The following FAM98B variants were observed in gnomAD, a reference collection of about 807,000 sequenced individuals.
FAM98B encodes tRNA splicing ligase complex subunit 3B.
FAM98B carries 32 observed loss-of-function variants against 43.9 expected under a neutral mutation model. The observed-to-expected ratio is 0.73, with a 90% CI of 0.55 to 0.98. The LOEUF (loss-of-function observed/expected upper bound fraction) is 0.98. FAM98B is among the 50% of genes least tolerant of loss of function. The pLI, the probability that FAM98B is intolerant of heterozygous loss-of-function variation, is 0.00. For missense variants in FAM98B, 514 were observed against 522.9 expected (o/e 0.98, Z 0.17); for synonymous variants, 190 against 174.0 (o/e 1.09, Z -0.72).
intron 1 of FAM98B, among the ~76,000 whole-genome samples, chr15:38,457,706 A>G (rs1006784300): frequency 6.6e-6 from 1 of 152,154 alleles, no homozygotes; most frequent in Non-Finnish European, 1.5e-5. Flanking sequence ...ATAGAGGTGG[A>G]GAGGAAAACT....
rs1414488759 is a variant in FAM98B at position 38,473,543 on chromosome 15, G to C, written c.570G>C (p.Val190=). Residue 190 remains valine (V), a synonymous_variant, in exon 5 of 8, where the codon GTG becomes GTC. Transcript: ENST00000397609. The stretch of plus-strand genomic sequence containing the variant: ...TCTCAAAGGTCCAGAAAAATCATGT[G>C]GGAAAACCACTGCTGAAAATGGATT... ...DILSKVQKNH[V]GKPLLKMDLN... 12 of 1,610,662 alleles carry C rather than the reference G, an allele frequency of 7.5e-6. No homozygotes were observed. Among genetic ancestry groups the C allele is most frequent in the Non-Finnish European group, 1.0e-5 (12 of 1,178,664 alleles).
rs945196370 is a variant in FAM98B at position 38,475,879 on chromosome 15, A to G, written c.729+1581A>G. On this transcript the variant is annotated intron_variant, in intron 6 of 7. Coordinates refer to ENST00000397609, the MANE Select transcript of FAM98B (RefSeq NM_173611.4). ...TATGATAAAATGCTTTTTTTTAAAA[A>G]ACTATACTTTAAAAAATTAGGTCTT... Among the ~76,000 whole-genome samples the G allele has an allele frequency of 3.9e-5, 6 of 152,240 alleles. No homozygotes were observed. The South Asian group carries it at 6.2e-4, about 16-fold the overall frequency.
chr15:38,475,185 C>T (rs1171724779), intron 6 of FAM98B, among the ~76,000 whole-genome samples: 1 of 152,060 alleles, frequency 6.6e-6, no homozygotes, highest in African/African-American at 2.4e-5. Context: ...TCATGGAAAA[C>T]AGTTTTTCCA....
At chr15:38,466,252 A>G (rs1200067670) in intron 3 of FAM98B, among the ~76,000 whole-genome samples, 1 of 151,172 alleles carries the variant, frequency 6.6e-6, no homozygotes, top group African/African-American at 2.4e-5. Context: ...CATTGAAATT[A>G]CCTTGTGTGT....
Position 38,454,204 on chromosome 15 carries a change from G to A in FAM98B, c.43G>A (p.Asp15Asn). ...GGGTCCCCAACCGACGATGGAGGGAGACGTGCTGGACACACTGGAGGCGCT... is the reference window on the plus strand; with the variant it reads ...GGGTCCCCAACCGACGATGGAGGGAAACGTGCTGGACACACTGGAGGCGCT... ...EPGPQPTMEG[D>N]VLDTLEALGY... Residue 15 changes from aspartate (D) to asparagine (N), a missense_variant, in exon 1 of 8, where the codon GAC (aspartate) becomes AAC (asparagine). By Grantham distance (23) the Asp-to-Asn change is conservative. Coordinates refer to ENST00000397609, the MANE Select transcript of FAM98B (RefSeq NM_173611.4). The A allele has an allele frequency of 6.2e-7, 1 of 1,604,202 alleles. No homozygotes were observed. The highest frequency in any genetic ancestry group is 8.5e-7 in the Non-Finnish European group (1 of 1,176,608).
chr15:38,475,874 T>TTA (rs1555397999), intron 6 of FAM98B, among the ~76,000 whole-genome samples: 3 of 152,138 alleles, frequency 2.0e-5, no homozygotes, highest in Non-Finnish European at 4.4e-5. Flanking sequence ...TGCTTTTTTT[T>TTA]AAAAAACTAT....
chr15:38,481,761 C>G (rs1708314493), intron 7 of FAM98B: 2 of 775,276 alleles, frequency 2.6e-6, no homozygotes, highest in African/African-American at 1.8e-5. Context: ...CAGTAAGAAT[C>G]TTTCGGAATT....
chr15:38,454,415 T>G (rs957151441), intron 1 of FAM98B, among the ~76,000 whole-genome samples, 183 bp downstream of exon 1: 1 of 151,956 alleles, frequency 6.6e-6, no homozygotes, highest in African/African-American at 2.4e-5. Flanking sequence ...ATTTGGGGGG[T>G]GGAGCAGGGC....
intron 1 of FAM98B, among the ~76,000 whole-genome samples, chr15:38,462,026 A>C (rs1889957784): frequency 6.6e-6 from 1 of 152,204 alleles, no homozygotes. Context: ...CCTTTAGTAG[A>C]TGCCGATTAA....
intron 1 of FAM98B, among the ~76,000 whole-genome samples, chr15:38,456,235 A>G (rs1359608347): frequency 1.3e-5 from 2 of 152,250 alleles, no homozygotes; most frequent in Admixed American, 6.5e-5. Flanking sequence ...AGATGATTTT[A>G]GAAGTCTCTT....
intron 3 of FAM98B, among the ~76,000 whole-genome samples, chr15:38,465,760 G>C (rs1177132582): frequency 6.6e-6 from 1 of 152,060 alleles, no homozygotes; most frequent in Admixed American, 6.6e-5. Context: ...ACTAGGCACT[G>C]GATGATAATT....
intron 6 of FAM98B, among the ~76,000 whole-genome samples, chr15:38,480,686 CATTTA>C (rs1200238844): frequency 6.6e-6 from 1 of 152,012 alleles, no homozygotes; most frequent in East Asian, 1.9e-4. Flanking sequence ...CATCCTGGCA[CATTTA>C]ATAAGTTCTC....
intron 1 of FAM98B, chr15:38,459,450 CT>C (rs1000473904): frequency 1.4e-5 from 5 of 352,964 alleles, no homozygotes; most frequent in African/African-American, 1.1e-4. Flanking sequence ...ATCCACGAGG[CT>C]TCTTAAGGAG....
chr15:38,461,800 C>T (rs1889952514), intron 1 of FAM98B, among the ~76,000 whole-genome samples: 1 of 151,970 alleles, frequency 6.6e-6, no homozygotes, highest in South Asian at 2.1e-4. Flanking sequence ...GTCAAAAATC[C>T]AAAAGTTTGA....
chr15:38,460,715 A>G (rs900920386), intron 1 of FAM98B, among the ~76,000 whole-genome samples: 3 of 152,234 alleles, frequency 2.0e-5, no homozygotes, highest in South Asian at 2.1e-4. Flanking sequence ...TGACAGAACA[A>G]TACAGGCTAA....
In FAM98B at chr15:38,464,003, G is replaced by A. The variant is rs771705989; in HGVS notation, c.72-29G>A. On this transcript the variant is annotated intron_variant, in intron 1 of 7. Transcript: ENST00000397609. ...TTTTTTTGTTTGATTGGCTTATTTA[G>A]TTTTTAACTTGTATTTCTTCCTTTC... 5 of 1,571,262 alleles carry A rather than the reference G, an allele frequency of 3.2e-6. No individual in the cohort carries two copies. The African/African-American group carries it at 5.5e-5, about 17-fold the overall frequency.
At chr15:38,458,288 T>C (rs1204496074) in intron 1 of FAM98B, among the ~76,000 whole-genome samples, 2 of 152,256 alleles carry the variant, frequency 1.3e-5, no homozygotes, top group African/African-American at 4.8e-5. Flanking sequence ...GGTGTGTACC[T>C]GGAGCACCCA....
chr15:38,466,953 G>C (rs1890043739), intron 3 of FAM98B, among the ~76,000 whole-genome samples: 1 of 151,964 alleles, frequency 6.6e-6, no homozygotes, highest in African/African-American at 2.4e-5. Context: ...CATTTGATGT[G>C]TCGTTTTTCT....
At chr15:38,464,258 C>A in intron 2 of FAM98B, 81 bp downstream of exon 2, 2 of 1,317,620 alleles carry the variant, frequency 1.5e-6, no homozygotes, top group South Asian at 2.0e-5. Context: ...CAATAATGTG[C>A]CCACTGTACA....
Sources: gnomAD v4.1 joint callset for allele counts (sites outside exome capture counted in the v4.1 genomes callset) on GRCh38, gnomAD v4.1.1 for gene constraint, MANE v1.5 for transcripts, NCBI Gene and HGNC (gene_info 2026-07-23, HGNC 2026-07-21) for gene names.